GSE1: variants seen among roughly 807,000 people sequenced by gnomAD.
GSE1 encodes Gse1 coiled-coil protein.
GSE1 carries 32 observed loss-of-function variants against 112.6 expected under a neutral mutation model. That is an observed-to-expected ratio of 0.28 (90% CI 0.21 to 0.38). The LOEUF is 0.38. Ranked by LOEUF, GSE1 falls within the 10% of genes least tolerant of loss-of-function variation. The pLI is 1.00. For missense variants in GSE1, 2,348 were observed against 1,699.2 expected (o/e 1.38, Z -6.71); for synonymous variants, 1,115 against 735.6 (o/e 1.52, Z -8.35).
At chr16:85,542,591 G>T (rs1238238358) in intron 2 of GSE1, among the ~76,000 whole-genome samples, 1 of 152,268 alleles carries the variant, frequency 6.6e-6, no homozygotes, top group Admixed American at 6.5e-5. Flanking sequence ...CAACCGGAAA[G>T]GCTGTCTTTG....
At chr16:85,188,716 A>T (rs1400973442) in intron 1 of GSE1, among the ~76,000 whole-genome samples, 2 of 151,898 alleles carry the variant, frequency 1.3e-5, no homozygotes, top group African/African-American at 4.8e-5. Flanking sequence ...CAGGAGGATT[A>T]CTTGAGCCGA....
intron 1 of GSE1, among the ~76,000 whole-genome samples, chr16:85,184,661 C>T (rs544966513): frequency 6.6e-6 from 1 of 152,208 alleles, no homozygotes; most frequent in Non-Finnish European, 1.5e-5. Context: ...ATTTCTCATT[C>T]TCATCTCATT....
intron 11 of GSE1, among the ~76,000 whole-genome samples, chr16:85,663,828 C>G (rs745746376): frequency 6.6e-6 from 1 of 152,256 alleles, no homozygotes; most frequent in African/African-American, 2.4e-5. Flanking sequence ...AGAGCCCCAC[C>G]ATCTTGACCT....
chr16:85,232,230 A>T (rs749079676), intron 1 of GSE1, among the ~76,000 whole-genome samples: 47 of 152,214 alleles, frequency 3.1e-4, no homozygotes, highest in Non-Finnish European at 6.5e-4. Flanking sequence ...CTGAACCCCA[A>T]AGAACATCCA....
chr16:85,305,961 C>T lies in GSE1; in HGVS notation c.2284-51502C>T, dbSNP rs560335204. Among the ~76,000 whole-genome samples the T allele has an allele frequency of 3.3e-5, 5 of 152,134 alleles. No homozygotes were observed. In the South Asian group the frequency reaches 6.2e-4, roughly 19 times the overall value. ...AAAAATTAGCCGGATGGTAGTGGTGCGTGCCTGTAATGCTAGCTACTCAGC... is the reference window on the plus strand; with the variant it reads ...AAAAATTAGCCGGATGGTAGTGGTGTGTGCCTGTAATGCTAGCTACTCAGC... On this transcript the variant is annotated intron_variant, in intron 1 of 2. Transcript: ENST00000637419.
chr16:85,553,718 T>C (rs1461315184), upstream of GSE1, among the ~76,000 whole-genome samples: 1 of 152,034 alleles, frequency 6.6e-6, no homozygotes, highest in African/African-American at 2.4e-5. Flanking sequence ...TTTAAGAATT[T>C]TTCTGGCGGG....
At chr16:85,641,566 C>T (rs913217258) in intron 2 of GSE1, among the ~76,000 whole-genome samples, 12 of 152,262 alleles carry the variant, frequency 7.9e-5, no homozygotes, top group Non-Finnish European at 1.3e-4. Flanking sequence ...CAGGGGGTCG[C>T]GGCGTGACTT....
At chr16:85,499,826 G>T (rs575675718) in intron 2 of GSE1, among the ~76,000 whole-genome samples, 1 of 152,302 alleles carries the variant, frequency 6.6e-6, no homozygotes, top group East Asian at 1.9e-4. Context: ...TATGTTGCTG[G>T]CACAGTTGTG....
chr16:85,446,586 C>T (rs1255710965), intron 2 of GSE1, among the ~76,000 whole-genome samples: 2 of 152,138 alleles, frequency 1.3e-5, no homozygotes, highest in African/African-American at 4.8e-5. Flanking sequence ...GAGTGGAGAG[C>T]AGAGGGTAGC....
chr16:85,203,460 C>T (rs989153990), intron 1 of GSE1, among the ~76,000 whole-genome samples: 1 of 152,176 alleles, frequency 6.6e-6, no homozygotes, highest in African/African-American at 2.4e-5. Context: ...CCTGTGGCCC[C>T]TCAGGGAGGG....
intron 1 of GSE1, among the ~76,000 whole-genome samples, chr16:85,206,052 A>G (rs1227400659): frequency 6.6e-6 from 1 of 152,098 alleles, no homozygotes; most frequent in Non-Finnish European, 1.5e-5. Flanking sequence ...GGAAGGAGAG[A>G]AACAGGGAAC....
chr16:85,401,341 T>G (rs1323650455), intron 2 of GSE1, among the ~76,000 whole-genome samples: 1 of 116,056 alleles, frequency 8.6e-6, no homozygotes, highest in Admixed American at 1.3e-4. Context: ...TATCAGGGAG[T>G]ACCCGGGCCA....
At chr16:85,351,809 G>C (rs1043249840) in intron 1 of GSE1, among the ~76,000 whole-genome samples, 1 of 152,162 alleles carries the variant, frequency 6.6e-6, no homozygotes, top group Non-Finnish European at 1.5e-5. Flanking sequence ...GGCCAACATG[G>C]TGAAAGCCCG....
exon 1 of GSE1, chr16:85,170,653 T>C: frequency 1.0e-6 from 1 of 985,504 alleles, no homozygotes; most frequent in Non-Finnish European, 1.2e-6. Context: ...GGCCCCGCTG[T>C]CCCCGGCCTC....
intron 2 of GSE1, among the ~76,000 whole-genome samples, chr16:85,384,143 C>T (rs1220455088): frequency 6.6e-6 from 1 of 152,236 alleles, no homozygotes; most frequent in South Asian, 2.1e-4. Flanking sequence ...TACAGGGGGG[C>T]ACAGACTCAA....
At chr16:85,199,636 C>T (rs186469853) in intron 1 of GSE1, among the ~76,000 whole-genome samples, 214 of 152,280 alleles carry the variant, frequency 1.4e-3, no homozygotes, top group African/African-American at 4.5e-3. Flanking sequence ...AAAAGTGCTG[C>T]GGGCCGGAAC....
chr16:85,555,945 C>T (rs1377014059), upstream of GSE1: 3 of 983,806 alleles, frequency 3.0e-6, no homozygotes, highest in African/African-American at 1.8e-5. Context: ...CTCCGCCGCG[C>T]TCCCCCCTCC....
At chr16:85,583,845 TC>T (rs1297407083) in intron 1 of GSE1, among the ~76,000 whole-genome samples, 1 of 152,056 alleles carries the variant, frequency 6.6e-6, no homozygotes, top group Non-Finnish European at 1.5e-5. Context: ...GGAGCCTGCC[TC>T]CCCGGCGGCC....
intron 2 of GSE1, among the ~76,000 whole-genome samples, chr16:85,497,515 C>T (rs545675703): frequency 1.3e-5 from 2 of 152,320 alleles, no homozygotes; most frequent in South Asian, 2.1e-4. Flanking sequence ...CCCTGAGAGG[C>T]ACCCCGCTCT....
Sources: allele counts gnomAD v4.1 joint callset (sites outside exome capture counted in the v4.1 genomes callset), GRCh38; gene constraint gnomAD v4.1.1; transcripts MANE v1.5; gene names NCBI Gene and HGNC (gene_info 2026-07-23, HGNC 2026-07-21).